The following VPS13B variants were observed in gnomAD, a reference collection of about 807,000 sequenced individuals.
The protein encoded by VPS13B is intermembrane lipid transfer protein VPS13B.
VPS13B carries 285 observed loss-of-function variants against 426.4 expected under a neutral mutation model. The observed-to-expected ratio is 0.67, with a 90% CI of 0.61 to 0.74. VPS13B has a LOEUF of 0.74. VPS13B is among the 30% of genes least tolerant of loss of function. The pLI is 0.00. For missense variants in VPS13B, 4,537 were observed against 4,782.6 expected, an observed-to-expected ratio of 0.95 and a Z score of 1.51; for synonymous variants, 1,676 against 1,676.4, an observed-to-expected ratio of 1.00 and a Z score of 0.01.
chr8:99,593,661 T>A (rs1826816969), intron 33 of VPS13B, among the ~76,000 whole-genome samples: 1 of 151,884 alleles, frequency 6.6e-6, no homozygotes, highest in African/African-American at 2.4e-5. Context: ...TCAACCTAAA[T>A]GCCCATCAGT....
intron 17 of VPS13B, among the ~76,000 whole-genome samples, chr8:99,235,357 T>C (rs1228286455): frequency 6.6e-6 from 1 of 152,196 alleles, no homozygotes; most frequent in East Asian, 1.9e-4. Context: ...AAATTCTACA[T>C]TTATCTTTGT....
At chr8:99,449,623 A>G (rs1818089753) in intron 23 of VPS13B, among the ~76,000 whole-genome samples, 1 of 152,168 alleles carries the variant, frequency 6.6e-6, no homozygotes, top group Non-Finnish European at 1.5e-5. Flanking sequence ...ATAGAAGGTC[A>G]GGTAAGTAAG....
chr8:99,327,452 A>G (rs1053090987), intron 19 of VPS13B, among the ~76,000 whole-genome samples: 1 of 152,202 alleles, frequency 6.6e-6, no homozygotes, highest in Non-Finnish European at 1.5e-5. Context: ...GCATCAGAGC[A>G]CAGTCAAGAT....
At chr8:99,801,255 C>T (rs1588722616) in intron 43 of VPS13B, among the ~76,000 whole-genome samples, 1 of 152,154 alleles carries the variant, frequency 6.6e-6, no homozygotes, top group African/African-American at 2.4e-5. Flanking sequence ...CAGAGTGACT[C>T]CTTCTTTCCA....
At chr8:99,372,375 A>T (rs1330475913) in intron 19 of VPS13B, among the ~76,000 whole-genome samples, 1 of 152,240 alleles carries the variant, frequency 6.6e-6, no homozygotes, top group African/African-American at 2.4e-5. Context: ...GTGAACATGC[A>T]GCCTACAGAA....
intron 19 of VPS13B, among the ~76,000 whole-genome samples, chr8:99,345,477 T>C (rs1811487644): frequency 6.6e-6 from 1 of 152,222 alleles, no homozygotes. Context: ...TTTGGTGGTA[T>C]TTTGTGTAAC....
chr8:99,601,352 G>T (rs898068108), intron 33 of VPS13B, among the ~76,000 whole-genome samples: 2 of 152,164 alleles, frequency 1.3e-5, no homozygotes, highest in Non-Finnish European at 2.9e-5. Flanking sequence ...TGACTGCATA[G>T]TATTCCATGG....
chr8:99,188,986 G>A (rs78257924), intron 16 of VPS13B, among the ~76,000 whole-genome samples: 11,363 of 152,184 alleles, frequency 0.075, 650 homozygotes, highest in African/African-American at 0.16. Flanking sequence ...TGCAAGCTCC[G>A]CCTCCCGGGT....
At chr8:99,559,722 C>T (rs181689041) in intron 31 of VPS13B, among the ~76,000 whole-genome samples, 28 of 151,946 alleles carry the variant, frequency 1.8e-4, no homozygotes, top group East Asian at 3.9e-4. Flanking sequence ...GTTGTAGATA[C>T]GCGGCATTAT....
At chr8:99,044,911 C>T (rs1843152499) in intron 3 of VPS13B, among the ~76,000 whole-genome samples, 1 of 151,138 alleles carries the variant, frequency 6.6e-6, no homozygotes, top group African/African-American at 2.4e-5. Context: ...ACCCCCCGCC[C>T]CCACGGTTTC....
intron 21 of VPS13B, among the ~76,000 whole-genome samples, chr8:99,403,571 A>G (rs1815167115): frequency 6.6e-6 from 1 of 151,248 alleles, no homozygotes; most frequent in African/African-American, 2.4e-5. Context: ...AAAAAAATGT[A>G]ATTGAAGAGG....
intron 52 of VPS13B, 135 bp downstream of exon 52, chr8:99,832,787 C>A: frequency 2.3e-6 from 2 of 878,782 alleles, no homozygotes; most frequent in Non-Finnish European, 3.5e-6. Flanking sequence ...TACTTCTAGA[C>A]ATTGTATACA....
intron 3 of VPS13B, among the ~76,000 whole-genome samples, chr8:99,084,267 A>G (rs939896370): frequency 1.2e-4 from 19 of 152,054 alleles, no homozygotes; most frequent in Non-Finnish European, 1.8e-4. Context: ...TTCTCTGATG[A>G]TAGTTTGTAT....
In VPS13B at chr8:99,511,050, T is replaced by TA. The variant is rs35767662; in HGVS notation, c.4225-46dup. 1.1e-3 allele frequency: 1,696 copies of TA among 1,597,298 alleles called. 11 individuals carry two copies. The African/African-American group carries it at 0.019, about 18-fold the overall frequency. On this transcript the variant is annotated intron_variant, in intron 28 of 61. Transcript: ENST00000357162. ...AGGTCATTTTCTTCTTTCCAATTTT[T>TA]AAAAAAAATCTTTTTAATGAACTGT...
chr8:99,079,382 G>A (rs1338234822), intron 3 of VPS13B, among the ~76,000 whole-genome samples: 1 of 152,104 alleles, frequency 6.6e-6, no homozygotes, highest in Non-Finnish European at 1.5e-5. Flanking sequence ...GTTTGGGTGG[G>A]CTAGTCCTGT....
intron 5 of VPS13B, among the ~76,000 whole-genome samples, chr8:99,110,712 T>C (rs1847313903): frequency 6.6e-6 from 1 of 151,952 alleles, no homozygotes; most frequent in Non-Finnish European, 1.5e-5. Context: ...GTTAAATGAA[T>C]GACTTCTTCA....
At position 99,634,453 on chromosome 8, in the gene VPS13B, A is replaced by G. The variant is rs562047802; in HGVS notation, c.5221-7358A>G. On this transcript the variant is annotated intron_variant, in intron 33 of 61. Transcript: ENST00000357162. ...CATACTGTTACTTCAAAGAGCCGGA[A>G]AAGTAACTTCATGAAAGGGAAAACT... 4.2e-3 allele frequency among the ~76,000 whole-genome samples: 634 copies of G among 152,136 alleles called. 1 individual carries two copies. The highest frequency in any genetic ancestry group is 6.5e-3 in the Non-Finnish European group (444 of 67,910).
intron 21 of VPS13B, among the ~76,000 whole-genome samples, chr8:99,395,391 G>A (rs1814674898): frequency 6.6e-6 from 1 of 152,228 alleles, no homozygotes; most frequent in Admixed American, 6.5e-5. Context: ...CGATCTTAAT[G>A]ATTCCCATCC....
intron 33 of VPS13B, among the ~76,000 whole-genome samples, chr8:99,603,583 G>A (rs551977881): frequency 2.6e-5 from 4 of 152,244 alleles, no homozygotes; most frequent in Admixed American, 1.3e-4. Flanking sequence ...AATAATGGGC[G>A]GGTCATATAT....
Sources: gnomAD v4.1 joint callset for allele counts (sites outside exome capture counted in the v4.1 genomes callset) on GRCh38, gnomAD v4.1.1 for gene constraint, MANE v1.5 for transcripts, NCBI Gene and HGNC (gene_info 2026-07-23, HGNC 2026-07-21) for gene names.